Variants in GABBR2 observed in about 807,000 individuals in gnomAD.
The protein encoded by GABBR2 is G-protein coupled receptor 51.
A neutral mutation model predicts 105.6 loss-of-function variants in GABBR2; 23 were observed. The observed-to-expected ratio is 0.22, with a 90% CI of 0.16 to 0.31. The LOEUF is 0.31. GABBR2 is among the 10% of genes least tolerant of loss of function. GABBR2 has a pLI of 1.00. For synonymous variants in GABBR2, 478 were observed against 499.7 expected (o/e 0.96, Z 0.58); for missense variants, 734 against 1,245.5 (o/e 0.59, Z 6.18).
chr9:98,493,530 A>G (rs980816818), intron 4 of GABBR2, among the ~76,000 whole-genome samples: 1 of 152,198 alleles, frequency 6.6e-6, no homozygotes, highest in African/African-American at 2.4e-5. Context: ...ATTCTGGGAA[A>G]GTATCTCAAG....
At chr9:98,474,864 C>A (rs939894964) in intron 5 of GABBR2, among the ~76,000 whole-genome samples, 1 of 152,114 alleles carries the variant, frequency 6.6e-6, no homozygotes, top group African/African-American at 2.4e-5. Flanking sequence ...TCTCCTCATC[C>A]CAAGTCCAGA....
chr9:98,648,116 T>TGTGTGTGTAGATAGATAG, intron 1 of GABBR2, among the ~76,000 whole-genome samples: 1 of 55,948 alleles, frequency 1.8e-5, no homozygotes, highest in African/African-American at 6.9e-5. Context: ...TGTGTGTGTG[T>TGTGTGTGTAGATAGATAG]ATAGATAGAT....
chr9:98,303,073 C>T (rs1335954547), intron 16 of GABBR2, among the ~76,000 whole-genome samples, 168 bp downstream of exon 16: 1 of 152,162 alleles, frequency 6.6e-6, no homozygotes, highest in Non-Finnish European at 1.5e-5. Flanking sequence ...CTGACAAATG[C>T]CTCTGTGTGG....
intron 7 of GABBR2, among the ~76,000 whole-genome samples, chr9:98,416,908 C>T (rs1223128153): frequency 2.0e-5 from 3 of 152,108 alleles, no homozygotes; most frequent in Non-Finnish European, 4.4e-5. Flanking sequence ...AGACTGGACT[C>T]CTCCTCTCCA....
At chr9:98,492,043 ATGCT>A (rs1323915645) in intron 4 of GABBR2, among the ~76,000 whole-genome samples, 2 of 152,056 alleles carry the variant, frequency 1.3e-5, no homozygotes, top group Admixed American at 1.3e-4. Context: ...CTGGGATTTA[ATGCT>A]TCAGAGGAGT....
intron 1 of GABBR2, among the ~76,000 whole-genome samples, chr9:98,644,038 C>T (rs1384580618): frequency 6.6e-6 from 1 of 152,228 alleles, no homozygotes; most frequent in East Asian, 1.9e-4. Context: ...GTTTCTGTCA[C>T]TTACAACCCA....
intron 7 of GABBR2, among the ~76,000 whole-genome samples, chr9:98,420,766 G>C (rs908033763): frequency 6.6e-6 from 1 of 152,232 alleles, no homozygotes; most frequent in Non-Finnish European, 1.5e-5. Context: ...GAAGGTTGGG[G>C]ATGGTGAGAG....
chr9:98,676,251 A>C (rs1390726279), intron 1 of GABBR2, among the ~76,000 whole-genome samples: 2 of 152,262 alleles, frequency 1.3e-5, no homozygotes, highest in Non-Finnish European at 2.9e-5. Flanking sequence ...AGAAGTTGAA[A>C]AAAGCAAGGA....
intron 1 of GABBR2, among the ~76,000 whole-genome samples, chr9:98,685,514 A>C (rs558291412): frequency 6.6e-6 from 1 of 152,170 alleles, no homozygotes; most frequent in African/African-American, 2.4e-5. Context: ...AAGGGCATGA[A>C]TGATGCTTCA....
intron 9 of GABBR2, 55 bp downstream of exon 9, chr9:98,394,120 C>T: frequency 7.8e-7 from 1 of 1,275,322 alleles, no homozygotes; most frequent in Non-Finnish European, 1.1e-6. Flanking sequence ...AGACAATGTC[C>T]AGGCTTGGGA....
chr9:98,407,533 G>A (rs182454843), intron 7 of GABBR2, among the ~76,000 whole-genome samples: 130 of 152,234 alleles, frequency 8.5e-4, no homozygotes, highest in African/African-American at 3.0e-3. Flanking sequence ...TTTTTATTTC[G>A]AGGGACAATT....
intron 1 of GABBR2, among the ~76,000 whole-genome samples, chr9:98,589,367 C>A (rs1015551607): frequency 1.3e-5 from 2 of 152,240 alleles, no homozygotes; most frequent in Non-Finnish European, 2.9e-5. Flanking sequence ...AACCAACACA[C>A]CCCTTCAAGC....
At chr9:98,553,511 GA>G (rs1828529268) in intron 2 of GABBR2, among the ~76,000 whole-genome samples, 1 of 152,078 alleles carries the variant, frequency 6.6e-6, no homozygotes, top group Admixed American at 6.5e-5. Context: ...AGAATCAACT[GA>G]GTCTGAGACA....
chr9:98,371,603 C>T, intron 11 of GABBR2, 32 bp from the exon 12 acceptor site: 2 of 1,209,410 alleles, frequency 1.7e-6, no homozygotes, highest in Non-Finnish European at 2.5e-6. Context: ...AGGCATTGAC[C>T]TTCCTTAGGT....
intron 1 of GABBR2, among the ~76,000 whole-genome samples, chr9:98,609,024 C>T (rs773293886): frequency 5.9e-5 from 9 of 152,234 alleles, no homozygotes; most frequent in Non-Finnish European, 1.2e-4. Flanking sequence ...ATGGGAATCA[C>T]GGCCTCTTGA....
intron 18 of GABBR2, among the ~76,000 whole-genome samples, chr9:98,292,007 C>CA (rs1349165643): frequency 1.3e-5 from 2 of 152,196 alleles, no homozygotes; most frequent in Admixed American, 1.3e-4. Flanking sequence ...TTCTCATTGC[C>CA]ACACCCTTCT....
At chr9:98,469,104 G>A (rs186608916) in intron 6 of GABBR2, among the ~76,000 whole-genome samples, 1 of 152,336 alleles carries the variant, frequency 6.6e-6, no homozygotes, top group East Asian at 1.9e-4. Flanking sequence ...GGCATTGCCA[G>A]TTATATTGGT....
At chr9:98,416,813 C>A (rs1832697475) in intron 7 of GABBR2, among the ~76,000 whole-genome samples, 1 of 152,214 alleles carries the variant, frequency 6.6e-6, no homozygotes, top group Non-Finnish European at 1.5e-5. Context: ...TCCTTCTGTA[C>A]TCCTTCCTCC....
intron 7 of GABBR2, among the ~76,000 whole-genome samples, chr9:98,448,536 C>T (rs915611933): frequency 2.0e-5 from 3 of 152,186 alleles, no homozygotes; most frequent in African/African-American, 7.2e-5. Context: ...CCCACCTCAG[C>T]CTTCCAAGTA....
Sources: allele counts gnomAD v4.1 joint callset (sites outside exome capture counted in the v4.1 genomes callset), GRCh38; gene constraint gnomAD v4.1.1; transcripts MANE v1.5; gene names NCBI Gene and HGNC (gene_info 2026-07-23, HGNC 2026-07-21).